Variants in FBXO10 observed in about 807,000 individuals in gnomAD.
FBXO10 encodes the protein F-box protein 10.
A neutral mutation model predicts 80.7 loss-of-function variants in FBXO10; 39 were observed. That is an observed-to-expected ratio of 0.48 (90% CI 0.37 to 0.63). FBXO10 has a LOEUF of 0.63. Ranked by LOEUF, FBXO10 falls within the 30% of genes least tolerant of loss-of-function variation. The pLI is 0.00. For synonymous variants in FBXO10, 449 were observed against 489.6 expected (o/e 0.92, Z 1.09); for missense variants, 1,025 against 1,269.0 (o/e 0.81, Z 2.92).
At chr9:37,524,992 A>T (rs2119074142) in intron 6 of FBXO10, 110 bp downstream of exon 6, 1 of 909,456 alleles carries the variant, frequency 1.1e-6, no homozygotes, top group African/African-American at 1.7e-5. Context: ...AGTCAGAGAA[A>T]GAGGCCATAG....
chr9:37,522,426 T>C (rs1821366995), intron 7 of FBXO10: 3 of 1,033,296 alleles, frequency 2.9e-6, no homozygotes, highest in Non-Finnish European at 3.5e-6. Context: ...CCAAAGTCAC[T>C]GCGTGAGTGA....
At chr9:37,554,068 G>A (rs972711761) in intron 1 of FBXO10, among the ~76,000 whole-genome samples, 1 of 152,144 alleles carries the variant, frequency 6.6e-6, no homozygotes, top group East Asian at 1.9e-4. Flanking sequence ...GATTTCTCCA[G>A]TTTTACTTGT....
Position 37,515,954 on chromosome 9 carries a change from G to A in FBXO10, c.2646C>T (p.Asn882=). The A allele has an allele frequency of 6.2e-7, 1 of 1,614,034 alleles. No homozygotes were observed. Among genetic ancestry groups the A allele is most frequent in the Non-Finnish European group, 8.5e-7 (1 of 1,179,892 alleles). Residue 882 remains asparagine, a synonymous_variant, in exon 10 of 11, where the codon AAC becomes AAT. Coordinates refer to ENST00000432825, the MANE Select transcript of FBXO10 (RefSeq NM_012166.3). ...TSKTIFQQIS[N]NRECIMQNNK... is the part of the protein sequence containing the mutation. ...TGTTTTGCATGATGCATTCTCGGTTGTTTGAGATCTGCTGAAAGATGGTCT... is the reference window on the plus strand; with the variant it reads ...TGTTTTGCATGATGCATTCTCGGTTATTTGAGATCTGCTGAAAGATGGTCT...
intron 1 of FBXO10, among the ~76,000 whole-genome samples, chr9:37,570,925 C>T (rs1027663739): frequency 2.0e-5 from 3 of 149,414 alleles, no homozygotes; most frequent in African/African-American, 4.9e-5. Context: ...AACCGGAAGG[C>T]GGAGGTTGCA....
intron 1 of FBXO10, among the ~76,000 whole-genome samples, chr9:37,571,530 C>T: frequency 6.6e-6 from 1 of 151,704 alleles, no homozygotes; most frequent in Non-Finnish European, 1.5e-5. Flanking sequence ...ATGTCCCTTT[C>T]TCCAGAAAAC....
intron 3 of FBXO10, 62 bp downstream of exon 3, chr9:37,537,048 A>G (rs754025112): frequency 1.3e-5 from 17 of 1,326,196 alleles, no homozygotes; most frequent in Non-Finnish European, 1.8e-5. Context: ...AAATAGCCCC[A>G]TCAAACCCTT....
chr9:37,521,501 T>A, intron 8 of FBXO10, 68 bp downstream of exon 8: 1 of 1,397,634 alleles, frequency 7.2e-7, no homozygotes, highest in Non-Finnish European at 9.4e-7. Context: ...AGTTTTAAAT[T>A]GGAGAAAAAA....
chr9:37,568,590 C>T (rs754068189), intron 1 of FBXO10, among the ~76,000 whole-genome samples: 3 of 152,196 alleles, frequency 2.0e-5, no homozygotes, highest in Non-Finnish European at 2.9e-5. Flanking sequence ...TCTCTGTAGG[C>T]TAGTAAGACT....
intron 1 of FBXO10, among the ~76,000 whole-genome samples, chr9:37,569,819 T>C (rs1443286254): frequency 6.6e-6 from 1 of 152,140 alleles, no homozygotes; most frequent in African/African-American, 2.4e-5. Flanking sequence ...TGGGAGACAG[T>C]GAGACTGTCT....
intron 1 of FBXO10, among the ~76,000 whole-genome samples, chr9:37,567,655 A>C (rs1233292481): frequency 6.6e-6 from 1 of 152,188 alleles, no homozygotes; most frequent in African/African-American, 2.4e-5. Flanking sequence ...TAGGAACCCC[A>C]GTACTCCAAG....
chr9:37,545,174 G>GTTT (rs1822025773), intron 1 of FBXO10, among the ~76,000 whole-genome samples: 1 of 85,982 alleles, frequency 1.2e-5, no homozygotes, highest in East Asian at 3.0e-4. Context: ...ACATTCTCAG[G>GTTT]CTTTTTTTTT....
At chr9:37,529,530 A>G (rs780940993) in intron 4 of FBXO10, among the ~76,000 whole-genome samples, 4 of 152,212 alleles carry the variant, frequency 2.6e-5, no homozygotes, top group Admixed American at 6.5e-5. Flanking sequence ...CTTCACCTGC[A>G]AGGCAGGCTA....
intron 5 of FBXO10, among the ~76,000 whole-genome samples, chr9:37,526,611 G>A (rs904375801): frequency 1.9e-4 from 29 of 151,990 alleles, no homozygotes; most frequent in African/African-American, 7.0e-4. Flanking sequence ...TTTCAGTTCA[G>A]GAGGCCAGGA....
chr9:37,521,366 G>A lies in FBXO10; in HGVS notation c.2200+203C>T, dbSNP rs570146843. ...CCACACTGTCTGGGAAGTGAGGAGC[G>A]CCTCTGCCTGGCCGCTGTGCAACCC... On this transcript the variant is annotated intron_variant, in intron 8 of 10. Transcript: ENST00000432825. Among the ~76,000 whole-genome samples the A allele has an allele frequency of 2.4e-4, 36 of 151,244 alleles. No individual in the cohort carries two copies. In the East Asian group the frequency reaches 4.1e-3, roughly 17 times the overall value.
rs537926966 is a variant in FBXO10, at chr9:37,514,070, G to A, written c.2697-1349C>T. Among the ~76,000 whole-genome samples, 29 of 152,260 alleles carry A rather than the reference G, an allele frequency of 1.9e-4. No homozygotes were observed. The East Asian group carries it at 5.4e-3, about 28-fold the overall frequency. ...ACAAGGAACCAACTTTACACACTAAGTCTCCATTTGCTTAAGGCAACACAT... is the reference window on the plus strand; with the variant it reads ...ACAAGGAACCAACTTTACACACTAAATCTCCATTTGCTTAAGGCAACACAT... On this transcript the variant is annotated intron_variant, in intron 10 of 10. Transcript: ENST00000432825.
rs548906150 is a variant in FBXO10, at chr9:37,522,933, G to T, written c.1822C>A (p.Arg608Ser). The T allele has an allele frequency of 3.1e-6, 5 of 1,590,332 alleles. No individual in the cohort carries two copies. The highest frequency in any genetic ancestry group is 4.3e-6 in the Non-Finnish European group (5 of 1,168,660). The change falls in exon 7 of 11, where the codon CGT becomes AGT. Residue 608 changes from arginine to serine, a missense_variant. Physicochemically the swap from Arg to Ser is moderately radical, Grantham distance 110 (BLOSUM62 -1). Transcript: ENST00000432825. ...ENQWGGVDIR[R>S]GGIPVLRSNL... is the part of the protein sequence containing the mutation. ...CTCCTGAGAACGGGGATCCCTCCAC[G>T]GCGGATGTCCACACCTCCCCACTGA...
intron 10 of FBXO10, 108 bp from the exon 11 acceptor site, chr9:37,512,829 A>C (rs953267301): frequency 6.1e-6 from 7 of 1,147,336 alleles, no homozygotes; most frequent in Non-Finnish European, 8.5e-6. Flanking sequence ...CCAGGTGTTT[A>C]AATCTGGGTG....
chr9:37,567,774 T>C (rs567853296), intron 1 of FBXO10, among the ~76,000 whole-genome samples: 113 of 149,688 alleles, frequency 7.5e-4, no homozygotes, highest in African/African-American at 2.6e-3. Flanking sequence ...AGGTGATCTG[T>C]CCGCCTCGGC....
chr9:37,539,590 A>C (rs2119120626), intron 2 of FBXO10, among the ~76,000 whole-genome samples: 1 of 152,332 alleles, frequency 6.6e-6, no homozygotes, highest in South Asian at 2.1e-4. Flanking sequence ...GTATTACAAA[A>C]TGTGAAGGGT....
Sources: allele counts gnomAD v4.1 joint callset (sites outside exome capture counted in the v4.1 genomes callset), GRCh38; gene constraint gnomAD v4.1.1; transcripts MANE v1.5; gene names NCBI Gene and HGNC (gene_info 2026-07-23, HGNC 2026-07-21).